The following NKAIN2 variants were observed in gnomAD, a reference collection of about 807,000 sequenced individuals.
NKAIN2 encodes the protein sodium/potassium-transporting ATPase subunit beta-1-interacting protein 2.
A neutral mutation model predicts 32.6 loss-of-function variants in NKAIN2; 14 were observed. That is an observed-to-expected ratio of 0.43 (90% CI 0.28 to 0.67). The LOEUF (loss-of-function observed/expected upper bound fraction) is 0.67, where lower values mean the gene tolerates loss of function less well. Among genes scored for constraint, NKAIN2 ranks in the 30% least tolerant of loss-of-function variants. The pLI is 0.17. For missense variants in NKAIN2, 198 were observed against 258.3 expected (o/e 0.77, Z 1.60); for synonymous variants, 80 against 87.2 (o/e 0.92, Z 0.46).
intron 1 of NKAIN2, among the ~76,000 whole-genome samples, chr6:123,827,601 A>G (rs1372848417): frequency 1.3e-5 from 2 of 152,204 alleles, no homozygotes; most frequent in African/African-American, 2.4e-5. Flanking sequence ...TAAAAGAAAT[A>G]TTGAGTATGT....
At chr6:124,338,331 C>G (rs969152236) in intron 2 of NKAIN2, among the ~76,000 whole-genome samples, 1 of 152,140 alleles carries the variant, frequency 6.6e-6, no homozygotes, top group Non-Finnish European at 1.5e-5. Flanking sequence ...AATTTAAACT[C>G]TCTCCCAATT....
At chr6:123,931,494 A>G (rs943960712) in intron 1 of NKAIN2, among the ~76,000 whole-genome samples, 9 of 152,182 alleles carry the variant, frequency 5.9e-5, no homozygotes, top group Admixed American at 1.3e-4. Flanking sequence ...AACTGTAAGT[A>G]TATCCCCTAC....
At chr6:123,977,482 A>G (rs1582874508) in intron 1 of NKAIN2, among the ~76,000 whole-genome samples, 1 of 152,208 alleles carries the variant, frequency 6.6e-6, no homozygotes, top group African/African-American at 2.4e-5. Flanking sequence ...TAAAGCTTAC[A>G]TTTTAATCAA....
chr6:124,752,659 C>A (rs1432395243), intron 4 of NKAIN2, among the ~76,000 whole-genome samples: 2 of 151,846 alleles, frequency 1.3e-5, no homozygotes, highest in African/African-American at 4.8e-5. Flanking sequence ...TATTTGTAAC[C>A]AGGTAACTTG....
At chr6:124,822,755 C>G (rs1397842395) in intron 6 of NKAIN2, among the ~76,000 whole-genome samples, 1 of 151,960 alleles carries the variant, frequency 6.6e-6, no homozygotes, top group Non-Finnish European at 1.5e-5. Context: ...TGTCTGCGTG[C>G]TCCAGCCCCG....
chr6:124,630,114 T>TTAAAG (rs1048859530), intron 3 of NKAIN2, among the ~76,000 whole-genome samples: 17 of 152,170 alleles, frequency 1.1e-4, no homozygotes, highest in African/African-American at 4.1e-4. Flanking sequence ...AGAAGAAGGT[T>TTAAAG]TAAAGTAAAG....
chr6:124,592,253 A>G (rs1242514263), intron 3 of NKAIN2, among the ~76,000 whole-genome samples: 1 of 152,206 alleles, frequency 6.6e-6, no homozygotes, highest in Admixed American at 6.5e-5. Context: ...TGAGGTTATT[A>G]GCTAGTTTTC....
rs146089145 is a variant in NKAIN2, at chr6:124,309,479, A to T, written c.192+26337A>T. ...ATGTTGTAGACATTTCCCTTAATGT[A>T]TTAGGGTTTTAAATAGATAAAACCT... On this transcript the variant is annotated intron_variant, in intron 2 of 6. Coordinates refer to ENST00000368417, the MANE Select transcript of NKAIN2 (RefSeq NM_001040214.3). Among the ~76,000 whole-genome samples, 32 of 152,266 alleles carry T rather than the reference A, an allele frequency of 2.1e-4. No individual in the cohort carries two copies. The East Asian group carries it at 4.1e-3, about 19-fold the overall frequency.
At chr6:124,087,816 T>G (rs1038707228) in intron 1 of NKAIN2, among the ~76,000 whole-genome samples, 1 of 152,030 alleles carries the variant, frequency 6.6e-6, no homozygotes, top group Non-Finnish European at 1.5e-5. Flanking sequence ...ACATGGATAG[T>G]TGGCATACTT....
At chr6:124,634,300 CT>C (rs1442085689) in intron 3 of NKAIN2, among the ~76,000 whole-genome samples, 1 of 151,970 alleles carries the variant, frequency 6.6e-6, no homozygotes, top group African/African-American at 2.4e-5. Context: ...AAATAATTAT[CT>C]TAAGGGAACT....
At chr6:124,282,362 G>A (rs1795336882) in intron 1 of NKAIN2, 1 of 283,042 alleles carries the variant, frequency 3.5e-6, no homozygotes, top group Non-Finnish European at 6.8e-6. Context: ...TGGTAGCCAG[G>A]TATGACAAAA....
chr6:124,816,792 GT>G (rs1758490839), intron 5 of NKAIN2, among the ~76,000 whole-genome samples: 1 of 152,076 alleles, frequency 6.6e-6, no homozygotes, highest in Non-Finnish European at 1.5e-5. Flanking sequence ...CATTTTGATT[GT>G]CTCTATTTGA....
intron 3 of NKAIN2, among the ~76,000 whole-genome samples, chr6:124,372,793 T>C (rs1799822254): frequency 6.6e-6 from 1 of 151,018 alleles, no homozygotes; most frequent in Non-Finnish European, 1.5e-5. Context: ...ACTTTTCTAA[T>C]ATGCTTTGCT....
At chr6:124,685,101 T>C (rs1773801506) in intron 4 of NKAIN2, among the ~76,000 whole-genome samples, 1 of 152,186 alleles carries the variant, frequency 6.6e-6, no homozygotes, top group Non-Finnish European at 1.5e-5. Context: ...GTATTGGAAG[T>C]CATTTGTTTA....
chr6:124,167,644 T>C (rs1419090738), intron 1 of NKAIN2, among the ~76,000 whole-genome samples: 2 of 152,196 alleles, frequency 1.3e-5, no homozygotes, highest in Non-Finnish European at 2.9e-5. Flanking sequence ...AGTATGATAT[T>C]GGCTGTGGTT....
rs543458859 is a variant in NKAIN2, at chr6:124,347,866, C to T, written c.193-7401C>T. Among the ~76,000 whole-genome samples, 100 of 152,278 alleles carry T rather than the reference C, an allele frequency of 6.6e-4. 1 individual carries two copies. The highest frequency in any genetic ancestry group is 3.4e-3 in the Middle Eastern group (1 of 294). On this transcript the variant is annotated intron_variant, in intron 2 of 6. Coordinates refer to ENST00000368417, the MANE Select transcript of NKAIN2 (RefSeq NM_001040214.3). Reference sequence around the variant, plus strand: ...AGTCATTCTCCGTCCAGCTTTGTTCCGTTGCTGGTGAGGAACTGCGTTCCT... The same window carrying T: ...AGTCATTCTCCGTCCAGCTTTGTTCTGTTGCTGGTGAGGAACTGCGTTCCT...
intron 3 of NKAIN2, among the ~76,000 whole-genome samples, chr6:124,522,109 C>T (rs559843977): frequency 6.6e-6 from 1 of 151,952 alleles, no homozygotes; most frequent in Non-Finnish European, 1.5e-5. Flanking sequence ...ATGGTTTTAT[C>T]TGGAATAATG....
chr6:124,115,908 G>A (rs930951343), intron 1 of NKAIN2, among the ~76,000 whole-genome samples: 1 of 151,974 alleles, frequency 6.6e-6, no homozygotes, highest in African/African-American at 2.4e-5. Flanking sequence ...AATAATGTTG[G>A]TGTCTTAGTG....
intron 3 of NKAIN2, among the ~76,000 whole-genome samples, chr6:124,476,031 TGA>T (rs1044710189): frequency 2.0e-4 from 30 of 149,206 alleles, no homozygotes; most frequent in Admixed American, 9.5e-4. Flanking sequence ...TGTGTGTGTG[TGA>T]GAGAGTGTGT....
Sources: allele counts gnomAD v4.1 joint callset (sites outside exome capture counted in the v4.1 genomes callset), GRCh38; gene constraint gnomAD v4.1.1; transcripts MANE v1.5; gene names NCBI Gene and HGNC (gene_info 2026-07-23, HGNC 2026-07-21).